LOC128125817: variants seen among roughly 807,000 people sequenced by gnomAD.
the LOC128125817 span, among the ~76,000 whole-genome samples, chr1:41,617,243 CTG>C: frequency 0.43 from 65,768 of 151,816 alleles, 14,813 homozygotes; most frequent in Non-Finnish European, 0.51. Flanking sequence ...TCTTTACAGA[CTG>C]ATGCATTCAT....
chr1:41,592,739 C>A, the LOC128125817 span, among the ~76,000 whole-genome samples: 3 of 152,316 alleles, frequency 2.0e-5, no homozygotes, highest in East Asian at 5.8e-4. Context: ...GGTGGAAGCC[C>A]TGCCTTTTCT....
the LOC128125817 span, among the ~76,000 whole-genome samples, chr1:41,616,462 G>A: frequency 6.6e-6 from 1 of 152,102 alleles, no homozygotes; most frequent in Non-Finnish European, 1.5e-5. Flanking sequence ...GAGTCTCCGG[G>A]TTGAAGGGAC....
the LOC128125817 span, among the ~76,000 whole-genome samples, chr1:41,616,322 T>A: frequency 6.6e-6 from 1 of 152,186 alleles, no homozygotes; most frequent in Non-Finnish European, 1.5e-5. Context: ...CCAGCCAACA[T>A]CTTTGTTCCC....
At chr1:41,605,799 T>C in the LOC128125817 span, among the ~76,000 whole-genome samples, 9 of 151,906 alleles carry the variant, frequency 5.9e-5, no homozygotes, top group South Asian at 2.1e-4. Context: ...GTTAGAGTGT[T>C]GGGTGTGCAG....
the LOC128125817 span, among the ~76,000 whole-genome samples, chr1:41,590,571 T>C: frequency 2.6e-5 from 4 of 152,200 alleles, no homozygotes; most frequent in Admixed American, 6.5e-5. Flanking sequence ...GAAGACAGTG[T>C]GAAGCAAAGC....
chr1:41,625,550 G>A, the LOC128125817 span, among the ~76,000 whole-genome samples: 3 of 152,036 alleles, frequency 2.0e-5, no homozygotes, highest in East Asian at 1.9e-4. Context: ...TAAATATAAC[G>A]TTCATAATAA....
chr1:41,612,181 C>G, the LOC128125817 span, among the ~76,000 whole-genome samples: 7 of 152,164 alleles, frequency 4.6e-5, no homozygotes, highest in Non-Finnish European at 1.0e-4. Flanking sequence ...GGTCCCCCAT[C>G]TTCCCTTCTT....
At chr1:41,611,781 A>T in the LOC128125817 span, among the ~76,000 whole-genome samples, 1 of 152,204 alleles carries the variant, frequency 6.6e-6, no homozygotes, top group Non-Finnish European at 1.5e-5. Context: ...GTGCTGCCTG[A>T]TTCCATATCG....
the LOC128125817 span, among the ~76,000 whole-genome samples, chr1:41,593,373 G>C: frequency 6.6e-6 from 1 of 151,546 alleles, no homozygotes; most frequent in South Asian, 2.1e-4. Context: ...TTCTTTTTGC[G>C]GGCAGCAGCA....
At chr1:41,598,690 C>T in the LOC128125817 span, among the ~76,000 whole-genome samples, 4 of 152,234 alleles carry the variant, frequency 2.6e-5, no homozygotes, top group South Asian at 8.3e-4. Flanking sequence ...AATCATAGGC[C>T]TTACTATAAG....
At chr1:41,627,571 C>T in the LOC128125817 span, among the ~76,000 whole-genome samples, 133 of 152,284 alleles carry the variant, frequency 8.7e-4, 2 homozygotes, top group Middle Eastern at 0.01. Context: ...CTAGCCACCC[C>T]GAAGTCCAGG....
the LOC128125817 span, among the ~76,000 whole-genome samples, chr1:41,613,595 G>A: frequency 6.6e-6 from 1 of 152,222 alleles, no homozygotes; most frequent in Non-Finnish European, 1.5e-5. Flanking sequence ...AAAAAGGGGT[G>A]TATTAATTTG....
the LOC128125817 span, among the ~76,000 whole-genome samples, chr1:41,602,128 T>C: frequency 6.6e-6 from 1 of 152,080 alleles, no homozygotes. Flanking sequence ...TTTAATGCAC[T>C]ATTTGGTTTG....
the LOC128125817 span, among the ~76,000 whole-genome samples, chr1:41,621,027 G>A: frequency 2.0e-5 from 3 of 152,210 alleles, no homozygotes; most frequent in African/African-American, 4.8e-5. Flanking sequence ...GTGACCCTGG[G>A]CAAGTCACTT....
chr1:41,591,909 G>A, the LOC128125817 span, among the ~76,000 whole-genome samples: 15 of 152,136 alleles, frequency 9.9e-5, no homozygotes, highest in Non-Finnish European at 4.4e-5. Context: ...GGGCTGGGAA[G>A]TCTTCAAGCC....
At chr1:41,621,189 G>C in the LOC128125817 span, among the ~76,000 whole-genome samples, 66,003 of 152,098 alleles carry the variant, frequency 0.43, 14,902 homozygotes, top group Non-Finnish European at 0.51. Context: ...CATAGCCATG[G>C]TGCAGCCTCT....
chr1:41,587,040 C>A, the LOC128125817 span, among the ~76,000 whole-genome samples: 1 of 152,034 alleles, frequency 6.6e-6, no homozygotes, highest in Admixed American at 6.6e-5. Context: ...TATGAGCTTC[C>A]TGGCAGCCAA....
chr1:41,610,578 G>A, the LOC128125817 span, among the ~76,000 whole-genome samples: 1 of 152,194 alleles, frequency 6.6e-6, no homozygotes, highest in Non-Finnish European at 1.5e-5. Context: ...CAGGCTAACA[G>A]CACTGCTCCT....
At chr1:41,625,913 A>G in the LOC128125817 span, among the ~76,000 whole-genome samples, 2,279 of 152,356 alleles carry the variant, frequency 0.015, 66 homozygotes, top group African/African-American at 0.051. Flanking sequence ...ATATATTGAC[A>G]TTCCATGCAA....
Sources: allele counts gnomAD v4.1 joint callset (sites outside exome capture counted in the v4.1 genomes callset), GRCh38; gene constraint gnomAD v4.1.1; transcripts MANE v1.5.